ABCC2: variants seen among roughly 807,000 people sequenced by gnomAD.
ABCC2 encodes the protein ATP-binding cassette sub-family C member 2.
In ABCC2, 157 loss-of-function variants were observed where a neutral mutation model predicts 173.4. The observed-to-expected ratio is 0.91, with a 90% CI of 0.80 to 1.03. The LOEUF (loss-of-function observed/expected upper bound fraction) is 1.03. ABCC2 is among the 50% of genes least tolerant of loss of function. The pLI is 0.00. For synonymous variants in ABCC2, 657 were observed against 693.5 expected (o/e 0.95, Z 0.83); for missense variants, 1,822 against 1,852.3 (o/e 0.98, Z 0.30).
intron 7 of ABCC2, among the ~76,000 whole-genome samples, chr10:99,798,313 G>A (rs2037956217): frequency 6.6e-6 from 1 of 152,142 alleles, no homozygotes; most frequent in Non-Finnish European, 1.5e-5. Context: ...ATCACTGGTA[G>A]GCTGAGAAGC....
rs368007210 is a variant in ABCC2, at chr10:99,818,905, G to A, written c.2387G>A (p.Gly796Glu). The change falls in exon 18 of 32, where the codon GGA becomes GAA. Residue 796 changes from glycine to glutamate, a missense_variant. Transcript: ENST00000647814. ...DPLSAVDAHV[G>E]KHIFNKVLGP... ...CTGTCTGCAGTGGATGCTCATGTAG[G>A]AAAACATATTTTTAATAAGGTCTTG... 12 of 1,610,860 alleles carry A rather than the reference G, an allele frequency of 7.4e-6. No homozygotes were observed. The highest frequency in any genetic ancestry group is 1.0e-5 in the Non-Finnish European group (12 of 1,178,168).
chr10:99,809,289 G>A (rs764866782), intron 13 of ABCC2, among the ~76,000 whole-genome samples: 5 of 152,160 alleles, frequency 3.3e-5, no homozygotes, highest in Non-Finnish European at 7.3e-5. Context: ...GGAGGTGGAG[G>A]TTGCAGTGAG....
chr10:99,810,949 G>A (rs2038201710), intron 14 of ABCC2, among the ~76,000 whole-genome samples: 1 of 151,910 alleles, frequency 6.6e-6, no homozygotes, highest in African/African-American at 2.4e-5. Flanking sequence ...ACTTGAACCT[G>A]GGAGGCAGAG....
In ABCC2 at chr10:99,818,744, G is replaced by A. The variant is rs2038468803; in HGVS notation, c.2272-46G>A. 5.0e-6 allele frequency: 8 copies of A among 1,605,426 alleles called. No homozygotes were observed. The East Asian group carries it at 1.6e-4, about 31-fold the overall frequency. ...CCCCTCCCTATTAGATTCTGTGAAG[G>A]TGGATCTAGGGAGTAGTGCTTAATA... is the stretch of plus-strand genomic sequence containing the variant. On this transcript the variant is annotated intron_variant, in intron 17 of 31. Transcript: ENST00000647814.
intron 21 of ABCC2, among the ~76,000 whole-genome samples, chr10:99,831,357 C>A (rs2038734575): frequency 1.3e-5 from 2 of 152,308 alleles, no homozygotes; most frequent in Admixed American, 1.3e-4. Context: ...TCTGGCTTGT[C>A]CCAATCTGTT....
At chr10:99,814,288 CACACGT>C in intron 16 of ABCC2, among the ~76,000 whole-genome samples, 2 of 78,340 alleles carry the variant, frequency 2.6e-5, no homozygotes, top group African/African-American at 1.1e-4. Flanking sequence ...TATGTATACA[CACACGT>C]ATGTATACAC....
intron 24 of ABCC2, among the ~76,000 whole-genome samples, 171 bp from the exon 25 acceptor site, chr10:99,835,920 T>A (rs929978578): frequency 6.6e-6 from 1 of 152,174 alleles, no homozygotes; most frequent in African/African-American, 2.4e-5. Flanking sequence ...GGTCTCCTCC[T>A]CGGAGCCTCT....
rs755874762 is a variant in ABCC2, at chr10:99,800,491, G to A, written c.1137G>A (p.Gln379=). The change falls in exon 9 of 32, where the codon CAG becomes CAA. Residue 379 remains glutamine, a synonymous_variant. Transcript: ENST00000647814. ...TAALIQSFCL[Q]CYFQLCFKLG... Reference sequence around the variant, plus strand: ...CTCTCATTCAGTCTTTCTGCCTTCAGTGTTATTTCCAACTGTGCTTCAAGC... The same window carrying A: ...CTCTCATTCAGTCTTTCTGCCTTCAATGTTATTTCCAACTGTGCTTCAAGC... The A allele has an allele frequency of 5.0e-6, 8 of 1,614,152 alleles. No homozygotes were observed. The South Asian group carries it at 8.8e-5, about 18-fold the overall frequency.
rs368007210 is a variant in ABCC2 at position 99,818,905 on chromosome 10, G to T, written c.2387G>T (p.Gly796Val). 1.2e-6 allele frequency: 2 copies of T among 1,610,860 alleles called. No individual in the cohort carries two copies. The highest frequency in any genetic ancestry group is 2.7e-5 in the African/African-American group (2 of 74,830). ...CTGTCTGCAGTGGATGCTCATGTAGGAAAACATATTTTTAATAAGGTCTTG... is the reference window on the plus strand; with the variant it reads ...CTGTCTGCAGTGGATGCTCATGTAGTAAAACATATTTTTAATAAGGTCTTG... The part of the protein sequence containing the change: ...DPLSAVDAHV[G>V]KHIFNKVLGP... The change falls in exon 18 of 32, where the codon GGA becomes GTA. Residue 796 changes from glycine to valine, a missense_variant. Transcript: ENST00000647814.
At chr10:99,844,534 G>A (rs1267540255) in intron 28 of ABCC2, 69 bp downstream of exon 28, 7 of 1,588,966 alleles carry the variant, frequency 4.4e-6, no homozygotes, top group Non-Finnish European at 6.0e-6. Flanking sequence ...AGAGTGGAGA[G>A]CAGCTGGGCC....
chr10:99,804,907 G>A (rs1332644304), intron 10 of ABCC2, among the ~76,000 whole-genome samples: 1 of 152,218 alleles, frequency 6.6e-6, no homozygotes, highest in Non-Finnish European at 1.5e-5. Context: ...TGGTAGGGTG[G>A]TGGAGAGACA....
Position 99,793,442 on chromosome 10 carries a change from A to T in ABCC2, c.334-109A>T. 3 of 1,508,954 alleles carry T rather than the reference A, an allele frequency of 2.0e-6. No individual in the cohort carries two copies. In the Admixed American group the frequency reaches 5.0e-5, roughly 25 times the overall value. 93.5% of individuals were successfully genotyped at this position (1,508,954 alleles called of 1,614,324 possible). ...TCTACCTGGCCAGATTAGTCACGAC[A>T]GTCTCCTCCCTCAGCCCTCCTTTCT... On this transcript the variant is annotated intron_variant, in intron 3 of 31. Transcript: ENST00000647814.
intron 24 of ABCC2, 61 bp downstream of exon 24, chr10:99,834,596 T>C (rs1270692173): frequency 1.9e-6 from 3 of 1,565,534 alleles, no homozygotes; most frequent in African/African-American, 1.4e-5. Context: ...GCCCAGCCTC[T>C]TTCCTGAGAA....
rs961339576 is a variant in ABCC2, at chr10:99,813,202, T to A, written c.2094+58T>A. 3 of 1,592,316 alleles carry A rather than the reference T, an allele frequency of 1.9e-6. No individual in the cohort carries two copies. The African/African-American group carries it at 4.0e-5, about 21-fold the overall frequency. On this transcript the variant is annotated intron_variant, in intron 16 of 31. Coordinates refer to ENST00000647814, the MANE Select transcript of ABCC2 (RefSeq NM_000392.5). Reference sequence around the variant, plus strand: ...CTCCCGAATGTCAGCAGCTTCGTGCTTTTGCCTCACTGGGGAGAAGGCACT... The same window carrying A: ...CTCCCGAATGTCAGCAGCTTCGTGCATTTGCCTCACTGGGGAGAAGGCACT...
In ABCC2 at chr10:99,810,173, G is replaced by T. The variant is rs771619987; in HGVS notation, c.1855G>T (p.Gly619Trp). Reference protein sequence around the residue: ...STERLEKYLGGDDLDTSAIRH... With the variant: ...STERLEKYLGWDDLDTSAIRH... ...AGAGCGGCTAGAGAAGTACTTGGGAGGGGATGACTTGGACACATCTGCCAT... is the reference window on the plus strand; with the variant it reads ...AGAGCGGCTAGAGAAGTACTTGGGATGGGATGACTTGGACACATCTGCCAT... The change falls in exon 14 of 32, where the codon GGG (glycine) becomes TGG (tryptophan). Residue 619 changes from glycine (G) to tryptophan (W), a missense_variant. By Grantham distance (184) the Gly-to-Trp change is radical. Coordinates refer to ENST00000647814, the MANE Select transcript of ABCC2 (RefSeq NM_000392.5). The T allele has an allele frequency of 1.6e-5, 26 of 1,613,530 alleles. No homozygotes were observed. Among genetic ancestry groups the T allele is most frequent in the Non-Finnish European group, 2.1e-5 (25 of 1,179,598 alleles).
chr10:99,833,966 G>A (rs2038779822), intron 23 of ABCC2, among the ~76,000 whole-genome samples: 1 of 152,160 alleles, frequency 6.6e-6, no homozygotes, highest in Non-Finnish European at 1.5e-5. Context: ...GGGTTCCTTG[G>A]TTAGAACACT....
chr10:99,828,909 C>T (rs1480237570), intron 19 of ABCC2, among the ~76,000 whole-genome samples: 1 of 151,582 alleles, frequency 6.6e-6, no homozygotes, highest in African/African-American at 2.4e-5. Flanking sequence ...CTTTCCTGGA[C>T]ATGTGCACAG....
In ABCC2 at chr10:99,844,450, C is replaced by G. The variant is rs3740066; in HGVS notation, c.3972C>G (p.Ile1324Met). 16 of 1,613,602 alleles carry G rather than the reference C, an allele frequency of 9.9e-6. No individual in the cohort carries two copies. The highest frequency in any genetic ancestry group is 1.2e-5 in the Non-Finnish European group (14 of 1,179,998). ...TCCTCAGAGGGATCACTTGTGACAT[C>G]GGTAGCATGGAGAAGGTAGGTGGAG... ...DLVLRGITCD[I>M]GSMEKIGVVG... The change falls in exon 28 of 32, where the codon ATC (isoleucine) becomes ATG (methionine). Residue 1324 changes from isoleucine (I) to methionine (M), a missense_variant. Coordinates refer to ENST00000647814, the MANE Select transcript of ABCC2 (RefSeq NM_000392.5).
At position 99,804,147 on chromosome 10, in the gene ABCC2, A is replaced by G. The variant is rs151146677; in HGVS notation, c.1338A>G (p.Leu446=). The change falls in exon 10 of 32, where the codon CTA becomes CTG. Residue 446 remains leucine (L), a synonymous_variant. Coordinates refer to ENST00000647814, the MANE Select transcript of ABCC2 (RefSeq NM_000392.5). ...TGCACATGCTGTGGTCAAGTGTTCT[A>G]CAGATTGTCTTATCTATCTTCTTCC... ...NFMHMLWSSV[L]QIVLSIFFLW... The G allele has an allele frequency of 1.1e-5, 17 of 1,614,062 alleles. No homozygotes were observed. Among genetic ancestry groups the G allele is most frequent in the Non-Finnish European group, 1.4e-5 (17 of 1,180,038 alleles).
Sources: gnomAD v4.1 joint callset for allele counts (sites outside exome capture counted in the v4.1 genomes callset) on GRCh38, gnomAD v4.1.1 for gene constraint, MANE v1.5 for transcripts, NCBI Gene and HGNC (gene_info 2026-07-23, HGNC 2026-07-21) for gene names.